The following BTBD9 variants were observed in gnomAD, a reference collection of about 807,000 sequenced individuals.
BTBD9 encodes BTB domain containing 9.
A neutral mutation model predicts 64.3 loss-of-function variants in BTBD9; 49 were observed. The observed-to-expected ratio is 0.76, with a 90% CI of 0.61 to 0.97. BTBD9 has a LOEUF of 0.97. BTBD9 is among the 50% of genes least tolerant of loss of function. The pLI is 0.00. For synonymous variants in BTBD9, 260 were observed against 274.7 expected, an observed-to-expected ratio of 0.95 and a Z score of 0.53; for missense variants, 598 against 762.1, an observed-to-expected ratio of 0.78 and a Z score of 2.53.
chr6:38,387,821 A>G (rs1275813826), intron 6 of BTBD9, among the ~76,000 whole-genome samples: 1 of 152,220 alleles, frequency 6.6e-6, no homozygotes, highest in Non-Finnish European at 1.5e-5. Context: ...ATGCAGAATC[A>G]TAAAGGAGAA....
At chr6:38,464,271 T>G (rs1388624138) in intron 6 of BTBD9, among the ~76,000 whole-genome samples, 2 of 152,144 alleles carry the variant, frequency 1.3e-5, no homozygotes, top group Non-Finnish European at 2.9e-5. Flanking sequence ...TGTTGTTTCA[T>G]CTATCTAATT....
chr6:38,181,227 T>C (rs1238846594), intron 10 of BTBD9, among the ~76,000 whole-genome samples: 5 of 152,248 alleles, frequency 3.3e-5, no homozygotes, highest in Admixed American at 3.3e-4. Context: ...TAAATGTTGA[T>C]CAATGACTCT....
intron 7 of BTBD9, among the ~76,000 whole-genome samples, chr6:38,312,112 C>T (rs540591748): frequency 3.3e-5 from 5 of 152,078 alleles, no homozygotes; most frequent in East Asian, 3.9e-4. Flanking sequence ...CCACCCGCCT[C>T]GGCCTCCCAA....
At chr6:38,558,637 CT>C (rs954396679) in intron 6 of BTBD9, among the ~76,000 whole-genome samples, 8 of 152,112 alleles carry the variant, frequency 5.3e-5, no homozygotes, top group African/African-American at 1.9e-4. Context: ...TTCTGTGCAT[CT>C]ATTAAGATGA....
chr6:38,542,608 A>G (rs1441938487), intron 6 of BTBD9, among the ~76,000 whole-genome samples: 3 of 152,198 alleles, frequency 2.0e-5, no homozygotes, highest in African/African-American at 7.2e-5. Flanking sequence ...TACTTACTAT[A>G]AACTATAAAT....
At chr6:38,483,852 C>T (rs1472292513) in intron 6 of BTBD9, among the ~76,000 whole-genome samples, 1 of 152,168 alleles carries the variant, frequency 6.6e-6, no homozygotes, top group African/African-American at 2.4e-5. Flanking sequence ...CTTCCCTGAC[C>T]GTTCTGCTCA....
At chr6:38,585,484 A>C (rs1305498424) in intron 4 of BTBD9, among the ~76,000 whole-genome samples, 2 of 152,118 alleles carry the variant, frequency 1.3e-5, no homozygotes, top group African/African-American at 4.8e-5. Context: ...AATTTAAAAA[A>C]AATTTTTTAG....
At chr6:38,201,955 G>A (rs1445930660) in intron 9 of BTBD9, among the ~76,000 whole-genome samples, 1 of 151,826 alleles carries the variant, frequency 6.6e-6, no homozygotes, top group Non-Finnish European at 1.5e-5. Flanking sequence ...ACAAACAAAT[G>A]GAAACTCATC....
intron 6 of BTBD9, among the ~76,000 whole-genome samples, chr6:38,481,368 C>G (rs780563330): frequency 6.6e-6 from 1 of 152,130 alleles, no homozygotes; most frequent in South Asian, 2.1e-4. Context: ...AATTGTATTC[C>G]CAGTTGATAC....
chr6:38,540,459 A>AT (rs1345328448), intron 6 of BTBD9, among the ~76,000 whole-genome samples: 1 of 152,236 alleles, frequency 6.6e-6, no homozygotes. Context: ...GGCTTGCAGC[A>AT]TATTACACAC....
chr6:38,522,459 C>T (rs966357076), intron 6 of BTBD9, among the ~76,000 whole-genome samples: 1 of 152,212 alleles, frequency 6.6e-6, no homozygotes, highest in African/African-American at 2.4e-5. Context: ...GTTTGTTCTG[C>T]AGCCTCTGAC....
chr6:38,303,233 A>G (rs1762478061), intron 7 of BTBD9, among the ~76,000 whole-genome samples: 1 of 152,056 alleles, frequency 6.6e-6, no homozygotes, highest in African/African-American at 2.4e-5. Context: ...GTCATGAAGC[A>G]TTTCCCCCAT....
intron 2 of BTBD9, 93 bp downstream of exon 2, chr6:38,597,817 C>A: frequency 9.5e-7 from 1 of 1,050,614 alleles, no homozygotes; most frequent in South Asian, 1.6e-5. Flanking sequence ...AAGACTTTGT[C>A]ATTATACTTG....
chr6:38,224,326 C>T (rs1427787449), intron 9 of BTBD9, among the ~76,000 whole-genome samples: 1 of 152,170 alleles, frequency 6.6e-6, no homozygotes, highest in African/African-American at 2.4e-5. Context: ...GTCTATTTTC[C>T]TGGCTCAGTT....
intron 6 of BTBD9, among the ~76,000 whole-genome samples, chr6:38,347,167 G>A (rs148202267): frequency 2.0e-5 from 3 of 152,274 alleles, no homozygotes; most frequent in Non-Finnish European, 2.9e-5. Context: ...TTAGGAATGC[G>A]AGAAAATGTG....
intron 8 of BTBD9, among the ~76,000 whole-genome samples, chr6:38,272,308 C>A (rs924424836): frequency 1.3e-5 from 2 of 152,114 alleles, no homozygotes; most frequent in African/African-American, 4.8e-5. Flanking sequence ...CTAAAACACA[C>A]TAATTAAGTA....
chr6:38,269,607 TTCCCTGCGA>T (rs1269062198), intron 8 of BTBD9, among the ~76,000 whole-genome samples: 1 of 152,124 alleles, frequency 6.6e-6, no homozygotes, highest in Non-Finnish European at 1.5e-5. Context: ...CTTTTTTTTT[TTCCCTGCGA>T]TCACCTATAC....
At chr6:38,380,077 A>G (rs1352225230) in intron 6 of BTBD9, among the ~76,000 whole-genome samples, 1 of 152,172 alleles carries the variant, frequency 6.6e-6, no homozygotes, top group Admixed American at 6.6e-5. Context: ...TGTATTTGTT[A>G]TATACTATAT....
Position 38,288,307 on chromosome 6 carries a change from A to G in BTBD9, c.1419T>C (p.Val473=), listed in dbSNP as rs774192063. 13 of 1,614,156 alleles carry G rather than the reference A, an allele frequency of 8.1e-6. No individual in the cohort carries two copies. In the South Asian group the frequency reaches 1.3e-4, roughly 16 times the overall value. The part of the protein sequence containing the change: ...CHQLGSGAIV[V]QLAQPYMIGS... ...CAATCATGTACGGTTGTGCCAACTG[A>G]ACCACAATCGCACCACTTCCTAGCT... The change falls in exon 8 of 11, where the codon GTT becomes GTC. Residue 473 remains valine, a synonymous_variant. Coordinates refer to ENST00000481247, the MANE Select transcript of BTBD9 (RefSeq NM_001099272.2).
Sources: allele counts gnomAD v4.1 joint callset (sites outside exome capture counted in the v4.1 genomes callset), GRCh38; gene constraint gnomAD v4.1.1; transcripts MANE v1.5; gene names NCBI Gene and HGNC (gene_info 2026-07-23, HGNC 2026-07-21).